RIOK2: variants seen among roughly 807,000 people sequenced by gnomAD.
The protein encoded by RIOK2 is serine/threonine-protein kinase RIO2.
RIOK2 carries 46 observed loss-of-function variants against 62.4 expected under a neutral mutation model. The observed-to-expected ratio is 0.74, with a 90% CI of 0.58 to 0.94. RIOK2 has a LOEUF of 0.94. Ranked by LOEUF, RIOK2 falls within the 40% of genes least tolerant of loss-of-function variation. RIOK2 has a pLI of 0.00. For synonymous variants in RIOK2, 197 were observed against 216.0 expected (o/e 0.91, Z 0.77); for missense variants, 574 against 658.0 (o/e 0.87, Z 1.40).
chr5:97,175,540 T>C (rs1580274623), intron 4 of RIOK2, among the ~76,000 whole-genome samples: 2 of 152,230 alleles, frequency 1.3e-5, no homozygotes, highest in African/African-American at 4.8e-5. Flanking sequence ...GGAAAATGTG[T>C]AAATGATCCC....
chr5:97,163,692 T>G (rs1275489602), intron 9 of RIOK2, among the ~76,000 whole-genome samples: 1 of 152,200 alleles, frequency 6.6e-6, no homozygotes, highest in East Asian at 1.9e-4. Context: ...TAAATTCAAG[T>G]TACTTATCAG....
At chr5:97,179,771 G>A (rs1486853205) in intron 1 of RIOK2, among the ~76,000 whole-genome samples, 3 of 124,034 alleles carry the variant, frequency 2.4e-5, no homozygotes, top group East Asian at 2.4e-4. Flanking sequence ...GTAAGAATAC[G>A]TGGACACAGA....
At chr5:97,178,524 T>C (rs2112844209) in intron 2 of RIOK2, among the ~76,000 whole-genome samples, 1 of 151,418 alleles carries the variant, frequency 6.6e-6, no homozygotes, top group African/African-American at 2.4e-5. Context: ...TGCAGTACTC[T>C]ACCTGCTCTT....
chr5:97,171,404 G>A lies in RIOK2; in HGVS notation c.588-7C>T. On this transcript the variant is annotated splice_polypyrimidine_tract_variant and splice_region_variant and intron_variant, in intron 5 of 9. Coordinates refer to ENST00000283109, the MANE Select transcript of RIOK2 (RefSeq NM_018343.3). ...AACATGGTGTATCTGACATCTGAAA[G>A]TATTTTAAGCATGAAAATAGGTTAC... 6.6e-7 allele frequency: 1 copy of A among 1,506,474 alleles called. No individual in the cohort carries two copies. The highest frequency in any genetic ancestry group is 1.4e-5 in the South Asian group (1 of 73,772). The allele number at this position is 1,506,474 out of a possible 1,614,324, so 93.3% of individuals were successfully genotyped here.
intron 1 of RIOK2, among the ~76,000 whole-genome samples, chr5:97,181,560 A>G: frequency 6.6e-6 from 1 of 152,168 alleles, no homozygotes; most frequent in South Asian, 2.1e-4. Context: ...AAAGGGTACC[A>G]ACACTGGTGA....
At chr5:97,174,624 C>G (rs1034853530) in intron 4 of RIOK2, among the ~76,000 whole-genome samples, 2 of 152,020 alleles carry the variant, frequency 1.3e-5, no homozygotes, top group African/African-American at 2.4e-5. Context: ...ATGTCATTGC[C>G]CATACCACTT....
intron 5 of RIOK2, among the ~76,000 whole-genome samples, chr5:97,172,049 A>G (rs1009446459): frequency 6.6e-6 from 1 of 152,126 alleles, no homozygotes; most frequent in Non-Finnish European, 1.5e-5. Flanking sequence ...CCTTCCTCAC[A>G]GATCATACCT....
At position 97,165,115 on chromosome 5, in the gene RIOK2, T is replaced by C. The variant is rs756580137; in HGVS notation, c.1430A>G (p.Tyr477Cys). ...DEENVGAMNQ[Y>C]RTRTLSITSS... ...AGTGATACTCAGAGTTCTTGTTCTATACTGATTCATAGCTCCCACATTTTC... is the reference window on the plus strand; with the variant it reads ...AGTGATACTCAGAGTTCTTGTTCTACACTGATTCATAGCTCCCACATTTTC... The change falls in exon 9 of 10, where the codon TAT becomes TGT. Residue 477 changes from tyrosine (Y) to cysteine (C), a missense_variant. By Grantham distance (194) the Tyr-to-Cys change is radical (BLOSUM62 -2). Coordinates refer to ENST00000283109, the MANE Select transcript of RIOK2 (RefSeq NM_018343.3). 5 of 1,507,768 alleles carry C rather than the reference T, an allele frequency of 3.3e-6. No individual in the cohort carries two copies. The highest frequency in any genetic ancestry group is 2.8e-5 in the South Asian group (2 of 72,638). The allele number at this position is 1,507,768 out of a possible 1,614,324, so 93.4% of individuals were successfully genotyped here. A position where few individuals can be genotyped will look rare whatever the true frequency, so the allele number is the denominator to read the frequency against.
In RIOK2 at chr5:97,183,168, C is replaced by A. The variant is rs1749473290; in HGVS notation, c.24G>T (p.Lys8Asn). 2 of 1,614,132 alleles carry A rather than the reference C, an allele frequency of 1.2e-6. No individual in the cohort carries two copies. Among genetic ancestry groups the A allele is most frequent in the African/African-American group, 1.3e-5 (1 of 75,054 alleles). MGKVNVA[K>N]LRYMSRDDFR... ...AGTCATCTCGGCTCATGTAACGCAA[C>A]TTGGCCACATTCACTTTCCCCATGG... The change falls in exon 1 of 10, where the codon AAG becomes AAT. Residue 8 changes from lysine to asparagine, a missense_variant. Transcript: ENST00000283109.
chr5:97,179,307 A>C, intron 1 of RIOK2, 114 bp from the exon 2 acceptor site: 2 of 846,726 alleles, frequency 2.4e-6, no homozygotes, highest in Non-Finnish European at 1.8e-6. Flanking sequence ...TCTCCAACTA[A>C]TTCTGAGACA....
Position 97,161,589 on chromosome 5 carries a change from C to T in RIOK2, c.*1472G>A, listed in dbSNP as rs1015333513. On this transcript the variant is annotated 3_prime_UTR_variant, in exon 10 of 10. Coordinates refer to ENST00000283109, the MANE Select transcript of RIOK2 (RefSeq NM_018343.3). ...CTGATTGGAATAATTAATTCCTTGG[C>T]CCACAAGAAATCTTAGGCTATTAAA... is the stretch of plus-strand genomic sequence containing the variant. 1 of 152,102 alleles carries T rather than the reference C, an allele frequency of 6.6e-6. No individual in the cohort carries two copies. Among genetic ancestry groups the T allele is most frequent in the Non-Finnish European group, 1.5e-5 (1 of 68,004 alleles). 9.4% of individuals were successfully genotyped at this position (152,102 alleles called of 1,614,324 possible). A position where few individuals can be genotyped will look rare whatever the true frequency, so the allele number is the denominator to read the frequency against.
At chr5:97,169,738 T>C (rs1411647928) in intron 6 of RIOK2, among the ~76,000 whole-genome samples, 4 of 152,178 alleles carry the variant, frequency 2.6e-5, no homozygotes, top group African/African-American at 9.7e-5. Flanking sequence ...TATATCTCAA[T>C]CTCTAGCAAT....
chr5:97,163,848 C>G (rs149300142), intron 9 of RIOK2, among the ~76,000 whole-genome samples: 1 of 151,912 alleles, frequency 6.6e-6, no homozygotes, highest in African/African-American at 2.4e-5. Flanking sequence ...AACTTTTCTC[C>G]TAAAAAAGAA....
chr5:97,162,843 C>T lies in RIOK2; in HGVS notation c.*218G>A, dbSNP rs1006277174. 3.7e-5 allele frequency: 17 copies of T among 464,856 alleles called. No individual in the cohort carries two copies. The highest frequency in any genetic ancestry group is 4.9e-5 in the Non-Finnish European group (13 of 265,828). The allele number at this position is 464,856 out of a possible 1,614,324, so 28.8% of individuals were successfully genotyped here. The stretch of plus-strand genomic sequence containing the variant: ...TATGCAAATGTCTCTAATAAAGTTA[C>T]GTAACTGTAGTTACCCAAATTACTT... On this transcript the variant is annotated 3_prime_UTR_variant, in exon 10 of 10. Coordinates refer to ENST00000283109, the MANE Select transcript of RIOK2 (RefSeq NM_018343.3).
At chr5:97,177,700 A>C (rs371418150) in intron 3 of RIOK2, 32 bp downstream of exon 3, 3 of 1,295,332 alleles carry the variant, frequency 2.3e-6, no homozygotes, top group East Asian at 2.4e-5. Context: ...TAAAGCAAAG[A>C]AAATACTTTG....
chr5:97,164,141 C>T (rs1290163421), intron 9 of RIOK2, among the ~76,000 whole-genome samples: 4 of 151,974 alleles, frequency 2.6e-5, no homozygotes. Flanking sequence ...ATCCTTCCAC[C>T]TTGGCCCCCA....
At position 97,171,336 on chromosome 5, in the gene RIOK2, C is replaced by G. The variant is rs145268241; in HGVS notation, c.649G>C (p.Val217Leu). The change falls in exon 6 of 10, where the codon GTC becomes CTC. Residue 217 changes from valine (V) to leucine (L), a missense_variant. Physicochemically the swap from Val to Leu is conservative, Grantham distance 32. Coordinates refer to ENST00000283109, the MANE Select transcript of RIOK2 (RefSeq NM_018343.3). ...SVYDEAMELIVKLANHGLIHG... is the reference protein window; with the variant it reads ...SVYDEAMELILKLANHGLIHG... ...ATCAGCCCATGATTTGCAAGTTTGA[C>G]AATTAGTTCCATAGCTTCATCATAT... 52 of 1,608,420 alleles carry G rather than the reference C, an allele frequency of 3.2e-5. No individual in the cohort carries two copies. Among genetic ancestry groups the G allele is most frequent in the Non-Finnish European group, 4.3e-5 (51 of 1,177,878 alleles).
chr5:97,182,041 C>T (rs1749427632), intron 1 of RIOK2, among the ~76,000 whole-genome samples: 2 of 152,336 alleles, frequency 1.3e-5, no homozygotes, highest in African/African-American at 2.4e-5. Context: ...TGACTCACAT[C>T]GCATATCCTA....
chr5:97,182,762 C>A (rs1194634015), intron 1 of RIOK2: 2 of 238,650 alleles, frequency 8.4e-6, no homozygotes, highest in East Asian at 9.6e-5. Flanking sequence ...GTAGGGAAGT[C>A]AATATTATCA....
Sources: allele counts gnomAD v4.1 joint callset (sites outside exome capture counted in the v4.1 genomes callset), GRCh38; gene constraint gnomAD v4.1.1; transcripts MANE v1.5; gene names NCBI Gene and HGNC (gene_info 2026-07-23, HGNC 2026-07-21).